ROBO2: variants seen among roughly 807,000 people sequenced by gnomAD.
ROBO2 encodes roundabout guidance receptor 2.
A neutral mutation model predicts 160.8 loss-of-function variants in ROBO2; 53 were observed. That is an observed-to-expected ratio of 0.33 (90% CI 0.26 to 0.41). The LOEUF (loss-of-function observed/expected upper bound fraction) is 0.41. ROBO2 is among the 10% of genes least tolerant of loss of function. The pLI, the probability that ROBO2 is intolerant of heterozygous loss-of-function variation, is 1.00. For synonymous variants in ROBO2, 664 were observed against 611.7 expected (o/e 1.09, Z -1.26); for missense variants, 1,577 against 1,722.4 (o/e 0.92, Z 1.49).
chr3:76,317,564 G>A (rs1391777641), intron 2 of ROBO2, among the ~76,000 whole-genome samples: 2 of 152,090 alleles, frequency 1.3e-5, no homozygotes, highest in Non-Finnish European at 2.9e-5. Context: ...AGTGTTCTTT[G>A]TACTGTGTAT....
intron 16 of ROBO2, among the ~76,000 whole-genome samples, chr3:77,582,692 T>G: frequency 6.6e-6 from 1 of 152,134 alleles, no homozygotes; most frequent in East Asian, 1.9e-4. Flanking sequence ...CTTTTTTTTG[T>G]TGTTGTTATT....
chr3:76,429,938 A>C (rs2076368907), intron 2 of ROBO2, among the ~76,000 whole-genome samples: 1 of 152,100 alleles, frequency 6.6e-6, no homozygotes, highest in Admixed American at 6.6e-5. Context: ...GAGAACAGCA[A>C]TCAAAGGAAC....
intron 2 of ROBO2, among the ~76,000 whole-genome samples, chr3:76,779,743 G>T (rs1414050861): frequency 6.6e-6 from 1 of 150,886 alleles, no homozygotes; most frequent in Admixed American, 6.6e-5. Flanking sequence ...CTTTTTTAAG[G>T]ATGAGTAGTG....
At chr3:76,996,003 G>A (rs2149394363) in intron 2 of ROBO2, among the ~76,000 whole-genome samples, 1 of 152,262 alleles carries the variant, frequency 6.6e-6, no homozygotes, top group East Asian at 1.9e-4. Flanking sequence ...TGCTTTTGGT[G>A]TTTTAGACAT....
intron 2 of ROBO2, among the ~76,000 whole-genome samples, chr3:76,962,683 T>C (rs895562591): frequency 1.4e-5 from 2 of 139,426 alleles, no homozygotes; most frequent in Admixed American, 6.9e-5. Flanking sequence ...GACATGCACC[T>C]GTGGTACCAA....
At chr3:77,362,045 G>A (rs7433362) in intron 2 of ROBO2, among the ~76,000 whole-genome samples, 64,737 of 151,960 alleles carry the variant, frequency 0.43, 14,759 homozygotes, top group East Asian at 0.71. Context: ...ATGGTAAACT[G>A]TAATAAATAC....
intron 2 of ROBO2, among the ~76,000 whole-genome samples, chr3:76,326,177 A>G (rs555181921): frequency 1.3e-5 from 2 of 152,310 alleles, no homozygotes; most frequent in Middle Eastern, 3.4e-3. Context: ...CAGAGGTTAG[A>G]CACTAAGTAA....
chr3:76,032,052 C>G (rs957959132), intron 2 of ROBO2, among the ~76,000 whole-genome samples: 2 of 152,120 alleles, frequency 1.3e-5, no homozygotes, highest in African/African-American at 4.8e-5. Context: ...TTGGTCTATT[C>G]AGACATTCAA....
chr3:76,601,556 A>T (rs1488308107), intron 2 of ROBO2, among the ~76,000 whole-genome samples: 1 of 152,216 alleles, frequency 6.6e-6, no homozygotes, highest in East Asian at 1.9e-4. Flanking sequence ...CCTCTGAATC[A>T]AAAGCCCAAG....
chr3:77,228,206 A>G (rs943024707), intron 2 of ROBO2, among the ~76,000 whole-genome samples: 1 of 151,974 alleles, frequency 6.6e-6, no homozygotes, highest in African/African-American at 2.4e-5. Context: ...TTGCTGTATC[A>G]CCCAGGCTGG....
chr3:76,501,088 C>T (rs1302923315), intron 2 of ROBO2, among the ~76,000 whole-genome samples: 1 of 152,124 alleles, frequency 6.6e-6, no homozygotes, highest in Non-Finnish European at 1.5e-5. Context: ...ATTATTGCAT[C>T]TATTTATACA....
intron 5 of ROBO2, among the ~76,000 whole-genome samples, chr3:77,506,321 T>C (rs2088516656): frequency 6.6e-6 from 1 of 152,166 alleles, no homozygotes; most frequent in African/African-American, 2.4e-5. Context: ...GTGTCTCCAT[T>C]GTGCACACTT....
At chr3:76,888,229 G>A (rs565853550) in intron 2 of ROBO2, among the ~76,000 whole-genome samples, 113 of 152,060 alleles carry the variant, frequency 7.4e-4, no homozygotes, top group Non-Finnish European at 1.5e-3. Context: ...TTAGCCAGGT[G>A]TAGTGGTGCA....
chr3:76,868,056 C>A lies in ROBO2; in HGVS notation c.110-229958C>A, dbSNP rs147658719. Among the ~76,000 whole-genome samples the A allele has an allele frequency of 3.9e-5, 6 of 152,254 alleles. 1 individual carries two copies. Among genetic ancestry groups the A allele is most frequent in the African/African-American group, 1.4e-4 (6 of 41,556 alleles). On this transcript the variant is annotated intron_variant, in intron 2 of 26. Coordinates refer to the ROBO2 transcript ENST00000487694. ...TCATCAGACAACATTCATTTGGCTC[C>A]ATTTTAGGAGTATCCTATGCATATG...
At chr3:77,217,307 T>A (rs555719777) in intron 2 of ROBO2, among the ~76,000 whole-genome samples, 64 of 152,248 alleles carry the variant, frequency 4.2e-4, no homozygotes, top group African/African-American at 1.5e-3. Context: ...CACGCCTGGC[T>A]ACTTTTTGTA....
chr3:76,867,183 T>A (rs928127153), intron 2 of ROBO2, among the ~76,000 whole-genome samples: 7 of 152,160 alleles, frequency 4.6e-5, no homozygotes, highest in African/African-American at 1.7e-4. Flanking sequence ...AAATAACATA[T>A]AATGGACTAT....
At chr3:76,722,613 C>T (rs1296258448) in intron 2 of ROBO2, among the ~76,000 whole-genome samples, 1 of 152,144 alleles carries the variant, frequency 6.6e-6, no homozygotes, top group Non-Finnish European at 1.5e-5. Flanking sequence ...ATTCTCTCTC[C>T]CTACACCCTC....
intron 24 of ROBO2, among the ~76,000 whole-genome samples, chr3:77,638,527 G>C (rs2095300578): frequency 6.6e-6 from 1 of 152,136 alleles, no homozygotes; most frequent in Non-Finnish European, 1.5e-5. Flanking sequence ...GGGTGAGAAA[G>C]CTGCCTTCCC....
At chr3:77,191,188 C>T (rs2081809119) in intron 2 of ROBO2, among the ~76,000 whole-genome samples, 1 of 152,094 alleles carries the variant, frequency 6.6e-6, no homozygotes, top group African/African-American at 2.4e-5. Context: ...GTATTAATGA[C>T]TTACTGGGTG....
Sources: gnomAD v4.1 joint callset for allele counts (sites outside exome capture counted in the v4.1 genomes callset) on GRCh38, gnomAD v4.1.1 for gene constraint, MANE v1.5 for transcripts, NCBI Gene and HGNC (gene_info 2026-07-23, HGNC 2026-07-21) for gene names.